The following OOEP variants were observed in gnomAD, a reference collection of about 807,000 sequenced individuals.
OOEP encodes the protein oocyte-expressed protein homolog.
OOEP carries 16 observed loss-of-function variants against 13.7 expected under a neutral mutation model. The observed-to-expected ratio is 1.16, with a 90% CI of 0.79 to 1.77. OOEP has a LOEUF of 1.77. Ranked by LOEUF, OOEP falls within the 40% of genes most tolerant of loss-of-function variation. The pLI is 0.00. For synonymous variants in OOEP, 89 were observed against 77.1 expected (o/e 1.15, Z -0.81); for missense variants, 195 against 193.1 (o/e 1.01, Z -0.06).
upstream of OOEP, among the ~76,000 whole-genome samples, chr6:73,373,433 C>T (rs541899925): frequency 6.6e-6 from 1 of 152,256 alleles, no homozygotes; most frequent in South Asian, 2.1e-4. Context: ...GCCATCACAC[C>T]CACTGTAGAG....
upstream of OOEP, among the ~76,000 whole-genome samples, chr6:73,373,785 C>G (rs903356187): frequency 6.6e-6 from 1 of 152,076 alleles, no homozygotes; most frequent in Admixed American, 6.6e-5. Context: ...GGTGGAGTTT[C>G]ACCATGTTGT....
upstream of OOEP, among the ~76,000 whole-genome samples, chr6:73,372,335 A>G (rs1769069906): frequency 6.6e-6 from 1 of 152,082 alleles, no homozygotes; most frequent in South Asian, 2.1e-4. Context: ...AACCCCACAT[A>G]AATCCCCAGC....
At chr6:73,375,471 C>G (rs1394334530) in intron 2 of OOEP, among the ~76,000 whole-genome samples, 2 of 151,932 alleles carry the variant, frequency 1.3e-5, no homozygotes, top group Non-Finnish European at 2.9e-5. Flanking sequence ...CCCAACTACT[C>G]TGGGAGCTGC....
chr6:73,394,696 A>G (rs3734512), intron 1 of OOEP: 6 of 698,468 alleles, frequency 8.6e-6, no homozygotes, highest in African/African-American at 7.2e-5. Context: ...TAAAACTGGG[A>G]AAGTCCCGCC....
At chr6:73,373,880 C>T (rs188122137), upstream of OOEP, among the ~76,000 whole-genome samples, 352 of 152,066 alleles carry the variant, frequency 2.3e-3, 3 homozygotes, top group Admixed American at 2.2e-3. Context: ...TGAGCCACTG[C>T]GCTTTGCCAA....
At position 73,369,214 on chromosome 6, in the gene OOEP, C is replaced by T. The variant is rs1393489413; in HGVS notation, c.362G>A (p.Arg121His). The change falls in exon 2 of 3, where the codon CGT becomes CAT. Residue 121 changes from arginine (R) to histidine (H), a missense_variant. Physicochemically the swap from Arg to His is conservative, Grantham distance 29 (BLOSUM62 0). Transcript: ENST00000370359. Reference protein sequence around the residue: ...LCLAWFHREHRARAEKMKHLE... With the variant: ...LCLAWFHREHHARAEKMKHLE... ...TTCTCAAAGACCCTCACCTCGGGCA[C>T]GATGTTCTCGGTGAAACCATGCCAG... 1.2e-6 allele frequency: 2 copies of T among 1,610,656 alleles called. No individual in the cohort carries two copies. The highest frequency in any genetic ancestry group is 1.7e-6 in the Non-Finnish European group (2 of 1,178,500).
intron 2 of OOEP, chr6:73,391,152 T>C (rs1218214331): frequency 6.6e-6 from 1 of 152,194 alleles, no homozygotes; most frequent in Non-Finnish European, 1.5e-5. Context: ...GTTTAGTATA[T>C]TCTGTGGCCT....
chr6:73,387,128 A>C (rs1769285252), intron 2 of OOEP, among the ~76,000 whole-genome samples: 1 of 151,914 alleles, frequency 6.6e-6, no homozygotes, highest in South Asian at 2.1e-4. Context: ...ATATATGTAT[A>C]TTTTAAACAA....
chr6:73,374,144 C>T (rs556397379), upstream of OOEP, among the ~76,000 whole-genome samples: 1 of 152,056 alleles, frequency 6.6e-6, no homozygotes, highest in East Asian at 1.9e-4. Flanking sequence ...GCTATGATTG[C>T]ACCACTGCAC....
At chr6:73,390,534 TTTTTG>T (rs918193731) in intron 2 of OOEP, among the ~76,000 whole-genome samples, 1 of 152,092 alleles carries the variant, frequency 6.6e-6, no homozygotes, top group Non-Finnish European at 1.5e-5. Context: ...TATTTTGCTT[TTTTTG>T]TTTTATTTTT....
At chr6:73,372,763 T>C (rs1769075742), upstream of OOEP, among the ~76,000 whole-genome samples, 1 of 152,126 alleles carries the variant, frequency 6.6e-6, no homozygotes, top group Non-Finnish European at 1.5e-5. Context: ...TCCCGCCATC[T>C]GGGTTAGCTT....
At chr6:73,385,309 G>A (rs1769257356) in intron 2 of OOEP, among the ~76,000 whole-genome samples, 6 of 151,688 alleles carry the variant, frequency 4.0e-5, no homozygotes. Flanking sequence ...TTGCGCCACT[G>A]CACTCCAGCC....
intron 2 of OOEP, among the ~76,000 whole-genome samples, chr6:73,381,688 A>T (rs544420749): frequency 6.6e-6 from 1 of 152,248 alleles, no homozygotes; most frequent in East Asian, 1.9e-4. Context: ...GACAATTAAT[A>T]TAAAAAACCA....
At chr6:73,374,215 T>C (rs1769103185), upstream of OOEP, among the ~76,000 whole-genome samples, 1 of 151,952 alleles carries the variant, frequency 6.6e-6, no homozygotes. Flanking sequence ...ACGTACAATT[T>C]TATGTATTTT....
intron 2 of OOEP, among the ~76,000 whole-genome samples, chr6:73,388,311 G>T (rs373310432): frequency 8.2e-3 from 48 of 5,852 alleles, no homozygotes; most frequent in South Asian, 0.12. Flanking sequence ...CTAACAACAT[G>T]GATGTTTATT....
chr6:73,373,313 G>GAGGGGTGCA, upstream of OOEP: 5 of 1,531,326 alleles, frequency 3.3e-6, no homozygotes, highest in Non-Finnish European at 4.5e-6. Flanking sequence ...AAAGGAAGAG[G>GAGGGGTGCA]GCTCCTTCTC....
At chr6:73,373,388 G>A (rs941115655), upstream of OOEP, 58 of 951,428 alleles carry the variant, frequency 6.1e-5, no homozygotes, top group Non-Finnish European at 7.8e-5. Flanking sequence ...GCAGTGGCAC[G>A]ATCTCAGCTC....
chr6:73,368,777 T>A lies in OOEP; in HGVS notation c.*7A>T. On this transcript the variant is annotated 3_prime_UTR_variant, in exon 3 of 3. Transcript: ENST00000370359. ...GTTAAGATGTTCCCAACAGTAACTATGTTGTCTTAAGCAACAGGATCCTGG... is the reference window on the plus strand; with the variant it reads ...GTTAAGATGTTCCCAACAGTAACTAAGTTGTCTTAAGCAACAGGATCCTGG... 1.3e-6 allele frequency: 2 copies of A among 1,591,124 alleles called. No homozygotes were observed. Among genetic ancestry groups the A allele is most frequent in the Non-Finnish European group, 1.7e-6 (2 of 1,159,026 alleles).
intron 2 of OOEP, among the ~76,000 whole-genome samples, chr6:73,379,698 G>C (rs532477642): frequency 6.9e-6 from 1 of 143,966 alleles, no homozygotes; most frequent in African/African-American, 2.5e-5. Flanking sequence ...TCTGTTTAAT[G>C]TCTGGCCTAA....
Sources: gnomAD v4.1 joint callset for allele counts (sites outside exome capture counted in the v4.1 genomes callset) on GRCh38, gnomAD v4.1.1 for gene constraint, MANE v1.5 for transcripts, NCBI Gene and HGNC (gene_info 2026-07-23, HGNC 2026-07-21) for gene names.